SATB2: variants seen among roughly 807,000 people sequenced by gnomAD.
SATB2 encodes SATB homeobox 2.
Under a neutral mutation model 73.4 loss-of-function variants are expected in SATB2, and 1 was observed. That is an observed-to-expected ratio of 0.01 (90% CI 0.00 to 0.06). The LOEUF is 0.06. Among genes scored for constraint, SATB2 ranks in the 10% least tolerant of loss-of-function variants. The pLI is 1.00. For synonymous variants in SATB2, 397 were observed against 367.0 expected (o/e 1.08, Z -0.93); for missense variants, 459 against 945.8 (o/e 0.49, Z 6.75).
intron 3 of SATB2, among the ~76,000 whole-genome samples, chr2:199,427,430 G>T (rs371723856): frequency 6.6e-6 from 1 of 152,006 alleles, no homozygotes; most frequent in Non-Finnish European, 1.5e-5. Context: ...ATTACAAAAT[G>T]ATTAAGAAAA....
intron 9 of SATB2, among the ~76,000 whole-genome samples, chr2:199,322,510 T>A (rs1288873691): frequency 6.6e-6 from 1 of 152,226 alleles, no homozygotes; most frequent in African/African-American, 2.4e-5. Context: ...ACATTATGTC[T>A]TAGCAAACTG....
At chr2:199,369,230 C>T (rs1388119909) in intron 5 of SATB2, among the ~76,000 whole-genome samples, 2 of 152,084 alleles carry the variant, frequency 1.3e-5, no homozygotes, top group South Asian at 2.1e-4. Context: ...ATTAACAGTG[C>T]TATTTTAGAG....
At chr2:199,301,105 A>G (rs142731191) in intron 10 of SATB2, among the ~76,000 whole-genome samples, 1 of 152,154 alleles carries the variant, frequency 6.6e-6, no homozygotes, top group Non-Finnish European at 1.5e-5. Context: ...TTTATGTTTA[A>G]TATTTATCAG....
intron 3 of SATB2, chr2:199,396,616 T>A (rs1345688745): frequency 6.6e-6 from 1 of 152,128 alleles, no homozygotes; most frequent in Non-Finnish European, 1.5e-5. Flanking sequence ...ATGGAGGAAA[T>A]CATAAATGCT....
intron 9 of SATB2, among the ~76,000 whole-genome samples, chr2:199,319,189 A>G (rs1687817637): frequency 1.3e-5 from 2 of 152,146 alleles, no homozygotes; most frequent in African/African-American, 4.8e-5. Flanking sequence ...TTTAGCTACA[A>G]TGGGATCACA....
At chr2:199,453,621 G>C (rs1692192122) in intron 2 of SATB2, among the ~76,000 whole-genome samples, 1 of 151,904 alleles carries the variant, frequency 6.6e-6, no homozygotes, top group African/African-American at 2.4e-5. Flanking sequence ...GCCTGGCTTT[G>C]CTCCAAACTG....
chr2:199,308,722 C>A lies in SATB2; in HGVS notation c.1740+38G>T, dbSNP rs1687508718. On this transcript the variant is annotated intron_variant, in intron 10 of 10. Transcript: ENST00000417098. This position sits in a 1 kb window ranked among gnomAD's most constrained non-coding sequence, Gnocchi z 4.6. Reference sequence around the variant, plus strand: ...CAGCAGCTACTGCTGGCACACAGAGCCCTGATCAGGTGGGGTACGGCGGTC... The same window carrying A: ...CAGCAGCTACTGCTGGCACACAGAGACCTGATCAGGTGGGGTACGGCGGTC... The A allele has an allele frequency of 6.3e-7, 1 of 1,579,506 alleles. No homozygotes were observed. Among genetic ancestry groups the A allele is most frequent in the East Asian group, 2.2e-5 (1 of 44,702 alleles).
At chr2:199,430,996 G>A (rs1411523648) in intron 3 of SATB2, among the ~76,000 whole-genome samples, 1 of 152,322 alleles carries the variant, frequency 6.6e-6, no homozygotes, top group South Asian at 2.1e-4. Flanking sequence ...ATAGGAAAAA[G>A]AGATTCAAGA....
chr2:199,276,964 T>C (rs1331481401), intron 10 of SATB2, among the ~76,000 whole-genome samples: 2 of 152,198 alleles, frequency 1.3e-5, no homozygotes, highest in Admixed American at 6.5e-5. Context: ...AGTATACTTA[T>C]ATAACCGAGC....
intron 3 of SATB2, among the ~76,000 whole-genome samples, chr2:199,398,144 A>G (rs1466032): frequency 0.63 from 95,646 of 151,952 alleles, 32,657 homozygotes; most frequent in Non-Finnish European, 0.76. Context: ...ATACTAATCT[A>G]TCAATAAAAA....
intron 3 of SATB2, among the ~76,000 whole-genome samples, chr2:199,426,692 C>CAAAAAAAAAAAAAAAAAAAAA (rs200293007): frequency 2.3e-5 from 3 of 128,266 alleles, no homozygotes; most frequent in African/African-American, 9.9e-5. Flanking sequence ...CATTCTCTCT[C>CAAAAAAAAAAAAAAAAAAAAA]AAAAAAAAAA....
At chr2:199,371,347 A>G (rs917465263) in intron 5 of SATB2, among the ~76,000 whole-genome samples, 1 of 152,174 alleles carries the variant, frequency 6.6e-6, no homozygotes, top group Non-Finnish European at 1.5e-5. Flanking sequence ...TAGAACATCA[A>G]CACTTAATTA....
intron 3 of SATB2, among the ~76,000 whole-genome samples, chr2:199,393,553 T>A (rs1409040917): frequency 6.6e-6 from 1 of 152,268 alleles, no homozygotes; most frequent in Admixed American, 6.5e-5. Flanking sequence ...AGAGACTTAC[T>A]GATAATCTCC....
chr2:199,368,538 AAAC>A (rs911605710), intron 6 of SATB2, 64 bp downstream of exon 6: 3 of 941,602 alleles, frequency 3.2e-6, no homozygotes, highest in African/African-American at 3.2e-5. Context: ...CATAAATTCC[AAAC>A]AACCAACAAC....
chr2:199,432,011 C>A (rs1187177038), intron 3 of SATB2, among the ~76,000 whole-genome samples: 1 of 152,164 alleles, frequency 6.6e-6, no homozygotes. Flanking sequence ...TGCTCAGGAT[C>A]AAATCGTGAA....
At chr2:199,381,331 G>C (rs1172002499) in intron 4 of SATB2, among the ~76,000 whole-genome samples, 4 of 152,316 alleles carry the variant, frequency 2.6e-5, no homozygotes, top group Admixed American at 6.5e-5. Context: ...GAAAACAGCA[G>C]AGGTGTTTAT....
chr2:199,388,477 G>A (rs1177800474), intron 3 of SATB2, among the ~76,000 whole-genome samples: 2 of 152,282 alleles, frequency 1.3e-5, no homozygotes, highest in Non-Finnish European at 2.9e-5. Flanking sequence ...GCAGTGGCAT[G>A]TAGATAGATG....
chr2:199,288,279 C>T (rs999880636), intron 10 of SATB2, among the ~76,000 whole-genome samples: 2 of 152,142 alleles, frequency 1.3e-5, no homozygotes, highest in African/African-American at 4.8e-5. Context: ...TAAAGAGAGA[C>T]CCTTCCTGAC....
intron 6 of SATB2, among the ~76,000 whole-genome samples, chr2:199,356,376 C>T (rs1000373064): frequency 1.3e-5 from 2 of 151,982 alleles, no homozygotes; most frequent in Non-Finnish European, 2.9e-5. Context: ...AAAAATGTTG[C>T]CAATCAAACC....
Sources: gnomAD v4.1 joint callset for allele counts (sites outside exome capture counted in the v4.1 genomes callset) on GRCh38, gnomAD v4.1.1 for gene constraint, Gnocchi (gnomAD v3.1) non-coding constraint, MANE v1.5 for transcripts, NCBI Gene and HGNC (gene_info 2026-07-23, HGNC 2026-07-21) for gene names.